Variants in SRSF7 observed in about 807,000 individuals in gnomAD.
The protein encoded by SRSF7 is serine and arginine rich splicing factor 7, also known as serine/arginine-rich splicing factor 7.
In SRSF7, 15 loss-of-function variants were observed where a neutral mutation model predicts 42.2. The ratio of observed to expected loss-of-function variants is 0.36; its 90% confidence interval spans 0.24 to 0.55. The LOEUF (loss-of-function observed/expected upper bound fraction) is 0.55, where lower values mean the gene tolerates loss of function less well. SRSF7 is among the 20% of genes least tolerant of loss of function. SRSF7 has a pLI of 0.88. For synonymous variants in SRSF7, 138 were observed against 107.9 expected, an observed-to-expected ratio of 1.28 and a Z score of -1.73; for missense variants, 181 against 305.9, an observed-to-expected ratio of 0.59 and a Z score of 3.04.
chr2:38,749,724 C>T lies in SRSF7; in HGVS notation c.210-19G>A. On this transcript the variant is annotated intron_variant, in intron 2 of 7. Coordinates refer to ENST00000313117, the MANE Select transcript of SRSF7 (RefSeq NM_001031684.3). ...AATCACCCTAATAAAAGCAAATTAA[C>T]AAAATTCTAAAGTTAAAAATATATT... 3.3e-6 allele frequency: 5 copies of T among 1,521,474 alleles called. No individual in the cohort carries two copies. The highest frequency in any genetic ancestry group is 4.4e-6 in the Non-Finnish European group (5 of 1,139,138). The allele number at this position is 1,521,474 out of a possible 1,614,324, so 94.2% of individuals were successfully genotyped here.
intron 7 of SRSF7, 67 bp downstream of exon 7, chr2:38,746,077 T>TA (rs1667362113): frequency 2.6e-6 from 4 of 1,548,710 alleles, no homozygotes; most frequent in Non-Finnish European, 1.8e-6. Context: ...TGCAAAGCAG[T>TA]AAGCAAACAA....
At chr2:38,745,799 G>C (rs1367162573) in intron 7 of SRSF7, among the ~76,000 whole-genome samples, 2 of 152,050 alleles carry the variant, frequency 1.3e-5, no homozygotes, top group Non-Finnish European at 2.9e-5. Context: ...TGGTCATAAA[G>C]AAGCACTAGG....
At chr2:38,748,208 C>A in intron 4 of SRSF7, 51 bp from the exon 5 acceptor site, 1 of 1,300,154 alleles carries the variant, frequency 7.7e-7, no homozygotes, top group East Asian at 2.4e-5. Flanking sequence ...TTTTTTTGGC[C>A]TGTTAAGACT....
At position 38,750,164 on chromosome 2, in the gene SRSF7, G is replaced by C; in HGVS notation, c.59C>G (p.Thr20Ser). Residue 20 changes from threonine to serine, a missense_variant, in exon 2 of 8, where the codon ACT (threonine) becomes AGT (serine). Thr to Ser is a moderately conservative substitution (Grantham distance 58). Around this residue, in one of 2 missense-constraint regions of SRSF7, gnomAD observed 45 missense variants for 158.1 expected, o/e 0.28. Transcript: ENST00000313117. ...ETKVYVGNLG[T>S]GAGKGELERA... The stretch of plus-strand genomic sequence containing the variant: ...TTCTAACTCTCCTTTGCCAGCGCCA[G>C]TTCCCAGGTTACCAACATACACCTT... 6.2e-7 allele frequency: 1 copy of C among 1,611,224 alleles called. No homozygotes were observed.
chr2:38,744,526 G>C lies in SRSF7; in HGVS notation c.*607C>G. ...TTTCTATTTCTCATACATTTAATCA[G>C]TTTCGTTTAGTTCCTGTCATGCTCA... On this transcript the variant is annotated 3_prime_UTR_variant, in exon 8 of 8. Transcript: ENST00000313117. The C allele has an allele frequency of 1.3e-5, 2 of 152,136 alleles. No homozygotes were observed. Among genetic ancestry groups the C allele is most frequent in the Non-Finnish European group, 2.9e-5 (2 of 68,034 alleles). 9.4% of individuals were successfully genotyped at this position (152,136 alleles called of 1,614,324 possible). A position where few individuals can be genotyped will look rare whatever the true frequency, so the allele number is the denominator to read the frequency against.
At chr2:38,747,950 T>C (rs978668078) in intron 5 of SRSF7, 97 bp downstream of exon 5, 1 of 805,114 alleles carries the variant, frequency 1.2e-6, no homozygotes, top group African/African-American at 1.7e-5. Flanking sequence ...ATCTCAAATA[T>C]TCCCTGAAGC....
At chr2:38,750,499 G>C (rs1668137424) in intron 1 of SRSF7, among the ~76,000 whole-genome samples, 1 of 151,356 alleles carries the variant, frequency 6.6e-6, no homozygotes, top group Non-Finnish European at 1.5e-5. Context: ...CATGAGTCCC[G>C]GCAGCCCCGG....
intron 5 of SRSF7, among the ~76,000 whole-genome samples, chr2:38,747,525 G>C (rs936369741): frequency 6.6e-6 from 1 of 151,750 alleles, no homozygotes; most frequent in Admixed American, 6.6e-5. Flanking sequence ...TCTACAAATA[G>C]TAAAGCTCTG....
upstream of SRSF7, chr2:38,751,373 C>T (rs1051916145): frequency 7.0e-7 from 1 of 1,431,178 alleles, no homozygotes; most frequent in Middle Eastern, 1.7e-4. Flanking sequence ...AGGAAGAGCC[C>T]GGGTTCGCGT....
intron 5 of SRSF7, 60 bp from the exon 6 acceptor site, chr2:38,746,807 T>TA (rs1159024478): frequency 1.9e-6 from 3 of 1,603,300 alleles, no homozygotes; most frequent in African/African-American, 1.3e-5. Context: ...TTTCCTTAAC[T>TA]ACTCAACACT....
chr2:38,746,720 G>C lies in SRSF7; in HGVS notation c.600C>G (p.Ser200=). ...TGCTTCTTGGTCGTGAAATAGACCT[G>C]GATCTTGATCTTGACCTCGACGGGG... ...FQSPSRSRSR[S]RSISRPRSSR... The change falls in exon 6 of 8, where the codon TCC becomes TCG. Residue 200 remains serine (S), a synonymous_variant. Coordinates refer to ENST00000313117, the MANE Select transcript of SRSF7 (RefSeq NM_001031684.3). 6.2e-7 allele frequency: 1 copy of C among 1,613,600 alleles called. No individual in the cohort carries two copies. The highest frequency in any genetic ancestry group is 1.1e-5 in the South Asian group (1 of 90,982).
intron 1 of SRSF7, 93 bp downstream of exon 1, chr2:38,751,136 A>C (rs975574196): frequency 3.2e-6 from 5 of 1,553,508 alleles, no homozygotes; most frequent in Non-Finnish European, 4.4e-6. Flanking sequence ...ACGCACGCGG[A>C]ATAACCGTCT....
Sources: allele counts gnomAD v4.1 joint callset (sites outside exome capture counted in the v4.1 genomes callset), GRCh38; gene constraint gnomAD v4.1.1; regional missense constraint gnomAD v4.1.1; transcripts MANE v1.5; gene names NCBI Gene and HGNC (gene_info 2026-07-23, HGNC 2026-07-21).